GFPT1: variants seen among roughly 807,000 people sequenced by gnomAD.
GFPT1 encodes the protein glutamine--fructose-6-phosphate transaminase 1.
Under a neutral mutation model 92.0 loss-of-function variants are expected in GFPT1, and 40 were observed. The ratio of observed to expected loss-of-function variants is 0.43; its 90% CI spans 0.34 to 0.57. The LOEUF (loss-of-function observed/expected upper bound fraction) is 0.57, where lower values mean the gene tolerates loss of function less well. Among genes scored for constraint, GFPT1 ranks in the 20% least tolerant of loss-of-function variants. GFPT1 has a pLI of 0.02. For synonymous variants in GFPT1, 269 were observed against 280.6 expected (o/e 0.96, Z 0.41); for missense variants, 448 against 869.1 (o/e 0.52, Z 6.09).
At chr2:69,361,562 G>A (rs147191946) in intron 4 of GFPT1, among the ~76,000 whole-genome samples, 177 of 152,082 alleles carry the variant, frequency 1.2e-3, no homozygotes, top group African/African-American at 4.1e-3. Flanking sequence ...GTAAGTTTTC[G>A]GGAATCTTTC....
At chr2:69,352,335 C>T (rs979646565) in intron 9 of GFPT1, among the ~76,000 whole-genome samples, 3 of 151,816 alleles carry the variant, frequency 2.0e-5, no homozygotes, top group Non-Finnish European at 2.9e-5. Context: ...ATAAATGCAA[C>T]CAGGTGTGGT....
chr2:69,363,877 G>A (rs1441531334), intron 3 of GFPT1, among the ~76,000 whole-genome samples: 2 of 152,208 alleles, frequency 1.3e-5, no homozygotes, highest in African/African-American at 2.4e-5. Flanking sequence ...CACTGTGGGA[G>A]GCCGAGGCAG....
At chr2:69,338,196 T>C (rs1670848593) in intron 14 of GFPT1, 141 bp from the exon 15 acceptor site, 1 of 853,584 alleles carries the variant, frequency 1.2e-6, no homozygotes, top group Middle Eastern at 2.4e-4. Flanking sequence ...AATAAATTTA[T>C]AAAACTTTAA....
At chr2:69,357,718 G>T (rs1285099979) in intron 6 of GFPT1, among the ~76,000 whole-genome samples, 1 of 152,194 alleles carries the variant, frequency 6.6e-6, no homozygotes, top group African/African-American at 2.4e-5. Flanking sequence ...TATCACTATG[G>T]ATTTGGACAT....
intron 11 of GFPT1, among the ~76,000 whole-genome samples, chr2:69,346,733 A>G (rs1401925392): frequency 1.3e-5 from 2 of 151,662 alleles, no homozygotes; most frequent in Non-Finnish European, 2.9e-5. Flanking sequence ...GTTATTTCTT[A>G]TTTTTACTTT....
chr2:69,327,063 C>A lies in GFPT1; in HGVS notation c.1906G>T (p.Val636Leu), dbSNP rs1558725020. 2 of 1,614,004 alleles carry A rather than the reference C, an allele frequency of 1.2e-6. No homozygotes were observed. Among genetic ancestry groups the A allele is most frequent in the Non-Finnish European group, 8.5e-7 (1 of 1,179,948 alleles). Residue 636 changes from valine (V) to leucine (L), a missense_variant, in exon 19 of 20, where the codon GTA becomes TTA. By Grantham distance (32) the Val-to-Leu change is conservative (BLOSUM62 1). This residue lies in a region of GFPT1 where 55 missense variants were observed against 98.8 expected (regional missense o/e 0.56). Coordinates refer to ENST00000357308, the MANE Select transcript of GFPT1 (RefSeq NM_001244710.2). ...TCAGTATCCTCCTTATCACAAATTA[C>A]CACAGGCCGCCCCTAGGAAAGAAAA... Reference protein sequence around the residue: ...QVVARQGRPVVICDKEDTETI... With the variant: ...QVVARQGRPVLICDKEDTETI...
At chr2:69,345,309 T>C (rs1574057594) in intron 12 of GFPT1, among the ~76,000 whole-genome samples, 2 of 151,968 alleles carry the variant, frequency 1.3e-5, no homozygotes, top group South Asian at 2.1e-4. Context: ...TGCAGGAGGG[T>C]ACAGGTTATC....
In GFPT1 at chr2:69,320,984, A is replaced by C. The variant is rs977778648; in HGVS notation, c.*5205T>G. On this transcript the variant is annotated 3_prime_UTR_variant, in exon 20 of 20. Transcript: ENST00000357308. ...CACCCTGGCCTAACTGTCTCCTGAA[A>C]AACGCAGCAGGTGCTATAACCACTA... The C allele has an allele frequency of 2.6e-5, 4 of 152,210 alleles. No homozygotes were observed. The highest frequency in any genetic ancestry group is 9.6e-5 in the African/African-American group (4 of 41,458). 9.4% of individuals were successfully genotyped at this position (152,210 alleles called of 1,614,324 possible).
chr2:69,374,176 T>C (rs1393498768), intron 1 of GFPT1, 63 bp from the exon 2 acceptor site: 2 of 803,570 alleles, frequency 2.5e-6, no homozygotes, highest in Non-Finnish European at 4.3e-6. Context: ...AGCATAATTA[T>C]GTCAAGTATG....
intron 7 of GFPT1, among the ~76,000 whole-genome samples, chr2:69,355,717 CCT>C (rs1205981704): frequency 6.6e-6 from 1 of 152,098 alleles, no homozygotes; most frequent in East Asian, 1.9e-4. Flanking sequence ...CCTTAGTCAC[CCT>C]GTTTTCAGAT....
At position 69,373,998 on chromosome 2, in the gene GFPT1, T is replaced by A. The variant is rs748109483; in HGVS notation, c.115+8A>T. On this transcript the variant is annotated splice_region_variant and intron_variant, in intron 2 of 19. Coordinates refer to ENST00000357308, the MANE Select transcript of GFPT1 (RefSeq NM_001244710.2). ...CATGCAAAATCCATAGTATTTTTTT[T>A]AAAGTACCAGCAGAATCATATCCTC... The A allele has an allele frequency of 4.7e-6, 6 of 1,267,204 alleles. No individual in the cohort carries two copies. The highest frequency in any genetic ancestry group is 6.9e-6 in the Non-Finnish European group (6 of 865,956). The allele number at this position is 1,267,204 out of a possible 1,614,324, so 78.5% of individuals were successfully genotyped here. A position where few individuals can be genotyped will look rare whatever the true frequency, so the allele number is the denominator to read the frequency against.
chr2:69,366,207 T>C (rs577111322), intron 3 of GFPT1, among the ~76,000 whole-genome samples: 1 of 151,958 alleles, frequency 6.6e-6, no homozygotes, highest in Admixed American at 6.5e-5. Context: ...AGATTCTATA[T>C]ATTGAATCCA....
chr2:69,371,076 CTTTTT>C (rs1156764424), intron 2 of GFPT1, among the ~76,000 whole-genome samples: 5 of 127,774 alleles, frequency 3.9e-5, no homozygotes, highest in South Asian at 2.6e-4. Context: ...CTTTTCTTTT[CTTTTT>C]TTTTTTTTTT....
At chr2:69,375,697 TC>T (rs1671853653) in intron 1 of GFPT1, among the ~76,000 whole-genome samples, 2 of 152,198 alleles carry the variant, frequency 1.3e-5, no homozygotes, top group South Asian at 4.1e-4. Context: ...TGTACAGTCA[TC>T]TTACTTTCAC....
chr2:69,371,653 T>C (rs987229097), intron 2 of GFPT1, among the ~76,000 whole-genome samples: 22 of 148,818 alleles, frequency 1.5e-4, no homozygotes, highest in Non-Finnish European at 2.7e-4. Context: ...CTGGCTAACA[T>C]GGTGAAACCC....
At chr2:69,327,771 G>C (rs938372598) in intron 18 of GFPT1, among the ~76,000 whole-genome samples, 1 of 152,176 alleles carries the variant, frequency 6.6e-6, no homozygotes, top group Non-Finnish European at 1.5e-5. Context: ...TCTTGGTTCT[G>C]CCCAATATGA....
intron 17 of GFPT1, 35 bp from the exon 18 acceptor site, chr2:69,328,473 C>A: frequency 6.6e-7 from 1 of 1,517,858 alleles, no homozygotes; most frequent in Non-Finnish European, 9.2e-7. Context: ...CTTCAATCCA[C>A]TTTTCAAAAA....
intron 3 of GFPT1, 77 bp downstream of exon 3, chr2:69,369,924 G>T: frequency 1.2e-6 from 1 of 845,138 alleles, no homozygotes. Flanking sequence ...TGGGGGGAGG[G>T]AGTAACTTAG....
chr2:69,357,671 G>C (rs1671373329), intron 6 of GFPT1, among the ~76,000 whole-genome samples: 1 of 152,170 alleles, frequency 6.6e-6, no homozygotes, highest in African/African-American at 2.4e-5. Flanking sequence ...TTTTAAGTGG[G>C]AAAGCTAGAG....
Sources: gnomAD v4.1 joint callset for allele counts (sites outside exome capture counted in the v4.1 genomes callset) on GRCh38, gnomAD v4.1.1 for gene constraint, gnomAD v4.1.1 regional missense constraint, MANE v1.5 for transcripts, NCBI Gene and HGNC (gene_info 2026-07-23, HGNC 2026-07-21) for gene names.